SMC2: variants seen among roughly 807,000 people sequenced by gnomAD.
SMC2 encodes structural maintenance of chromosomes 2.
Under a neutral mutation model 142.6 loss-of-function variants are expected in SMC2, and 41 were observed. The observed-to-expected ratio is 0.29, with a 90% confidence interval of 0.22 to 0.37. SMC2 has a LOEUF of 0.37. SMC2 is among the 10% of genes least tolerant of loss of function. SMC2 has a pLI of 1.00. For missense variants in SMC2, 1,265 were observed against 1,373.7 expected (o/e 0.92, Z 1.25); for synonymous variants, 463 against 457.5 (o/e 1.01, Z -0.15).
At position 104,139,236 on chromosome 9, in the gene SMC2, C is replaced by T. The variant is rs769012805; in HGVS notation, c.3515C>T (p.Thr1172Ile). ...VDGVSTVARF[T>I]QCQNGKISKE... is the part of the protein sequence containing the mutation. ...GGTGTTTCTACAGTAGCCAGATTTACTCAATGTCAAAATGGAAAGATTTCA... is the reference window on the plus strand; with the variant it reads ...GGTGTTTCTACAGTAGCCAGATTTATTCAATGTCAAAATGGAAAGATTTCA... Residue 1172 changes from threonine (T) to isoleucine (I), a missense_variant, in exon 25 of 25, where the codon ACT (threonine) becomes ATT (isoleucine). By Grantham distance (89) the Thr-to-Ile change is moderately conservative. Transcript: ENST00000374793. The T allele has an allele frequency of 6.2e-7, 1 of 1,601,384 alleles. No individual in the cohort carries two copies. Among genetic ancestry groups the T allele is most frequent in the Admixed American group, 1.7e-5 (1 of 57,336 alleles).
At chr9:104,122,977 T>C in intron 16 of SMC2, 131 bp from the exon 17 acceptor site, 2 of 872,682 alleles carry the variant, frequency 2.3e-6, no homozygotes, top group Non-Finnish European at 3.2e-6. Context: ...AAATTATTCC[T>C]GTAACCAGTA....
At chr9:104,139,092 A>G in intron 24 of SMC2, 47 bp from the exon 25 acceptor site, 2 of 1,331,650 alleles carry the variant, frequency 1.5e-6, no homozygotes, top group Non-Finnish European at 2.0e-6. Flanking sequence ...GTAAACTTCA[A>G]GTATATCACA....
chr9:104,109,961 A>G (rs1360772976), intron 9 of SMC2, among the ~76,000 whole-genome samples: 2 of 152,226 alleles, frequency 1.3e-5, no homozygotes, highest in Non-Finnish European at 2.9e-5. Flanking sequence ...GCATAAAACT[A>G]TAGAACATAC....
chr9:104,139,902 G>C lies in SMC2; in HGVS notation c.*587G>C, dbSNP rs1365815188. The C allele has an allele frequency of 6.6e-6, 1 of 151,846 alleles. No individual in the cohort carries two copies. The highest frequency in any genetic ancestry group is 1.5e-5 in the Non-Finnish European group (1 of 68,018). The allele number at this position is 151,846 out of a possible 1,614,324, so 9.4% of individuals were successfully genotyped here. On this transcript the variant is annotated 3_prime_UTR_variant, in exon 25 of 25. Transcript: ENST00000374793. ...TATTTTAATGATACATGAATATCAT[G>C]TTCCTATACGCTTAATAATTGGTCT...
chr9:104,113,259 A>G (rs529653720), intron 10 of SMC2, 57 bp from the exon 11 acceptor site: 9 of 1,338,774 alleles, frequency 6.7e-6, no homozygotes, highest in Non-Finnish European at 8.0e-6. Context: ...CGGCCATTTA[A>G]TTACTAGCAC....
chr9:104,113,712 T>A (rs1363481897), intron 11 of SMC2, among the ~76,000 whole-genome samples: 3 of 152,168 alleles, frequency 2.0e-5, no homozygotes, highest in Non-Finnish European at 4.4e-5. Flanking sequence ...CTCAAAAATG[T>A]CATTTGTGTA....
rs1405282888 is a variant in SMC2 at position 104,129,730 on chromosome 9, C to G, written c.2876C>G (p.Thr959Ser). ...GQPNSAYDFK[T>S]NNPKEAGQRL... ...CCCAATAGTGCCTATGATTTCAAAA[C>G]TAACAACCCTAAAGAAGCTGGTCAG... The change falls in exon 21 of 25, where the codon ACT becomes AGT. Residue 959 changes from threonine (T) to serine (S), a missense_variant. Around this residue, in one of 4 missense-constraint regions of SMC2, gnomAD observed 898 missense variants for 904.2 expected, o/e 0.99. Transcript: ENST00000374793. The G allele has an allele frequency of 1.9e-6, 3 of 1,613,720 alleles. No individual in the cohort carries two copies. Among genetic ancestry groups the G allele is most frequent in the African/African-American group, 2.7e-5 (2 of 74,890 alleles).
At chr9:104,091,434 C>T (rs963806748), upstream of SMC2, among the ~76,000 whole-genome samples, 20 of 152,294 alleles carry the variant, frequency 1.3e-4, no homozygotes, top group Non-Finnish European at 2.2e-4. Context: ...ACCACAGTCA[C>T]ATAATGTAAT....
intron 16 of SMC2, among the ~76,000 whole-genome samples, chr9:104,121,399 G>A (rs572721046): frequency 6.6e-6 from 1 of 152,246 alleles, no homozygotes; most frequent in South Asian, 2.1e-4. Flanking sequence ...AGGAGGCTGA[G>A]GTGGGTGGAT....
intron 23 of SMC2, among the ~76,000 whole-genome samples, chr9:104,137,549 T>C (rs533759167): frequency 6.6e-6 from 1 of 152,176 alleles, no homozygotes; most frequent in East Asian, 1.9e-4. Flanking sequence ...TGTGTGTGTC[T>C]GTCTGTGTGT....
At chr9:104,089,953 C>CT (rs1829965616), upstream of SMC2, among the ~76,000 whole-genome samples, 2 of 151,792 alleles carry the variant, frequency 1.3e-5, no homozygotes, top group African/African-American at 4.9e-5. Flanking sequence ...GCTGAAAATA[C>CT]TTTTTTAAGA....
intron 7 of SMC2, 44 bp from the exon 8 acceptor site, chr9:104,101,916 T>A (rs756460994): frequency 7.3e-6 from 9 of 1,224,796 alleles, no homozygotes; most frequent in Admixed American, 4.5e-5. Context: ...ATTTTTTTTT[T>A]AATACAATTT....
chr9:104,134,362 A>T (rs1320396174), intron 22 of SMC2, 53 bp from the exon 23 acceptor site: 3 of 1,397,926 alleles, frequency 2.1e-6, no homozygotes, highest in Non-Finnish European at 2.9e-6. Context: ...TCAACAATTG[A>T]TTCTTCTTGG....
intron 9 of SMC2, among the ~76,000 whole-genome samples, chr9:104,106,864 C>G: frequency 6.6e-6 from 1 of 151,886 alleles, no homozygotes; most frequent in East Asian, 1.9e-4. Context: ...AGCGTAATGC[C>G]CATGTTCAGC....
In SMC2 at chr9:104,095,338, CTGTT is replaced by C. The variant is rs766853634; in HGVS notation, c.-44_-41del. 2.0e-6 allele frequency: 3 copies of C among 1,525,032 alleles called. No homozygotes were observed. The East Asian group carries it at 6.8e-5, about 34-fold the overall frequency. The allele number at this position is 1,525,032 out of a possible 1,614,324, so 94.5% of individuals were successfully genotyped here. On this transcript the variant is annotated 5_prime_UTR_variant, in exon 2 of 25. Transcript: ENST00000374793. The stretch of plus-strand genomic sequence containing the variant: ...GTTTCGTACAGAACTGGTTTGTGGC[CTGTT>C]TGATTCCTGTCAGAGGTTTGCTGAC...
chr9:104,126,833 A>G (rs757912224), intron 19 of SMC2, 49 bp downstream of exon 19: 15 of 1,519,108 alleles, frequency 9.9e-6, no homozygotes, highest in Middle Eastern at 1.8e-4. Flanking sequence ...GAATCTTTTT[A>G]TGAAACATTA....
Position 104,139,516 on chromosome 9 carries a change from G to T in SMC2, c.*201G>T. On this transcript the variant is annotated 3_prime_UTR_variant, in exon 25 of 25. Transcript: ENST00000374793. Reference sequence around the variant, plus strand: ...CTAGTCTAATTATGGTCCAATTATTGTGGTTGTGATTTTATGCATATCATC... The same window carrying T: ...CTAGTCTAATTATGGTCCAATTATTTTGGTTGTGATTTTATGCATATCATC... The T allele has an allele frequency of 2.4e-6, 1 of 420,906 alleles. No individual in the cohort carries two copies. Among genetic ancestry groups the T allele is most frequent in the Non-Finnish European group, 4.2e-6 (1 of 240,228 alleles). The allele number at this position is 420,906 out of a possible 1,614,324, so 26.1% of individuals were successfully genotyped here.
intron 9 of SMC2, among the ~76,000 whole-genome samples, chr9:104,104,711 G>A (rs1831550911): frequency 6.6e-6 from 1 of 152,176 alleles, no homozygotes; most frequent in African/African-American, 2.4e-5. Flanking sequence ...TCCAATCTAG[G>A]TATCCCCTCT....
At chr9:104,100,542 G>T (rs533866339) in intron 7 of SMC2, 109 bp downstream of exon 7, 3 of 698,586 alleles carry the variant, frequency 4.3e-6, no homozygotes, top group African/African-American at 1.9e-5. Flanking sequence ...TTTTTCCTGC[G>T]ATGAGATAAG....
Sources: gnomAD v4.1 joint callset for allele counts (sites outside exome capture counted in the v4.1 genomes callset) on GRCh38, gnomAD v4.1.1 for gene constraint, gnomAD v4.1.1 regional missense constraint, MANE v1.5 for transcripts, NCBI Gene and HGNC (gene_info 2026-07-23, HGNC 2026-07-21) for gene names.